Variants in BICC1 observed in about 807,000 individuals in gnomAD.
The protein encoded by BICC1 is protein bicaudal C homolog 1.
Under a neutral mutation model 111.0 loss-of-function variants are expected in BICC1, and 43 were observed. The observed-to-expected ratio is 0.39, with a 90% CI of 0.30 to 0.50. The LOEUF (loss-of-function observed/expected upper bound fraction) is 0.50, where lower values mean the gene tolerates loss of function less well. BICC1 is among the 20% of genes least tolerant of loss of function. The pLI is 0.88. For missense variants in BICC1, 1,091 were observed against 1,203.2 expected, an observed-to-expected ratio of 0.91 and a Z score of 1.38; for synonymous variants, 467 against 434.4, an observed-to-expected ratio of 1.07 and a Z score of -0.93.
chr10:58,790,784 C>T (rs1843152899), intron 8 of BICC1, among the ~76,000 whole-genome samples: 1 of 152,144 alleles, frequency 6.6e-6, no homozygotes, highest in Non-Finnish European at 1.5e-5. Flanking sequence ...CAGATGGCAC[C>T]ACTGCACTGC....
intron 1 of BICC1, among the ~76,000 whole-genome samples, chr10:58,525,504 T>C (rs541338716): frequency 1.1e-3 from 145 of 129,154 alleles, no homozygotes; most frequent in African/African-American, 4.0e-3. Flanking sequence ...TAGGTGGGAA[T>C]TGAACAATGA....
At position 58,796,330 on chromosome 10, in the gene BICC1, GT is replaced by G. The variant is rs775146236; in HGVS notation, c.1180-6del. Reference sequence around the variant, plus strand: ...TGTCACCTTTTTTCCCCCATTATGTGTTTTCATAGTCTGTGATTGTGAAAAG... The same window carrying G: ...TGTCACCTTTTTTCCCCCATTATGTGTTTCATAGTCTGTGATTGTGAAAAG... On this transcript the variant is annotated splice_polypyrimidine_tract_variant and intron_variant, in intron 9 of 20. Transcript: ENST00000373886. The G allele has an allele frequency of 6.2e-7, 1 of 1,611,226 alleles. No individual in the cohort carries two copies. The highest frequency in any genetic ancestry group is 8.5e-7 in the Non-Finnish European group (1 of 1,178,356).
intron 1 of BICC1, among the ~76,000 whole-genome samples, chr10:58,607,114 T>A (rs11817332): frequency 0.26 from 39,856 of 151,818 alleles, 5,520 homozygotes; most frequent in East Asian, 0.45. Context: ...GTTGGGAGTT[T>A]GCGACCAGCC....
At chr10:58,736,925 T>C (rs1174896911) in intron 3 of BICC1, among the ~76,000 whole-genome samples, 2 of 152,014 alleles carry the variant, frequency 1.3e-5, no homozygotes, top group East Asian at 3.9e-4. Flanking sequence ...ATAGAACTAA[T>C]TTTATTTTAT....
chr10:58,564,794 T>C (rs960579208), intron 1 of BICC1, among the ~76,000 whole-genome samples: 3 of 152,328 alleles, frequency 2.0e-5, no homozygotes, highest in Middle Eastern at 3.4e-3. Flanking sequence ...GAGAAAAATC[T>C]ACAAAATGGG....
chr10:58,549,722 G>T (rs1481277840), intron 1 of BICC1, among the ~76,000 whole-genome samples: 4 of 145,630 alleles, frequency 2.7e-5, no homozygotes, highest in Non-Finnish European at 6.0e-5. Context: ...GTCTCACTCT[G>T]TTGTCCAGGC....
At chr10:58,650,545 T>C (rs530391372) in intron 2 of BICC1, 1 of 152,332 alleles carries the variant, frequency 6.6e-6, no homozygotes, top group South Asian at 2.1e-4. Context: ...CCAGTCAGGA[T>C]GACCCTGTCT....
intron 2 of BICC1, among the ~76,000 whole-genome samples, chr10:58,632,429 T>C (rs1053671924): frequency 2.6e-5 from 4 of 151,522 alleles, no homozygotes; most frequent in Non-Finnish European, 5.9e-5. Flanking sequence ...AAGAGGGGCA[T>C]ACTCCAGAGG....
chr10:58,575,330 C>T (rs6481407), intron 1 of BICC1, among the ~76,000 whole-genome samples: 88,415 of 151,776 alleles, frequency 0.58, 26,143 homozygotes, highest in South Asian at 0.67. Context: ...CTGGATGACA[C>T]TCCGCACACT....
At chr10:58,648,194 G>A (rs1255240107) in intron 2 of BICC1, among the ~76,000 whole-genome samples, 2 of 152,168 alleles carry the variant, frequency 1.3e-5, no homozygotes, top group Admixed American at 6.5e-5. Flanking sequence ...TGTCTCCTCC[G>A]GTAGAGCATG....
intron 20 of BICC1, among the ~76,000 whole-genome samples, chr10:58,824,937 C>G (rs1455318982): frequency 6.6e-6 from 1 of 152,130 alleles, no homozygotes; most frequent in Non-Finnish European, 1.5e-5. Flanking sequence ...ACTCATAAAA[C>G]AACGTAATCT....
intron 20 of BICC1, chr10:58,824,084 C>G: frequency 1.0e-6 from 1 of 984,198 alleles, no homozygotes; most frequent in Non-Finnish European, 1.2e-6. Context: ...AAATAAAGCT[C>G]TGTTATCTGG....
chr10:58,512,894 G>C lies in BICC1; in HGVS notation c.-250G>C, dbSNP rs543341237. On this transcript the variant is annotated 5_prime_UTR_variant, in exon 1 of 21. Coordinates refer to ENST00000373886, the MANE Select transcript of BICC1 (RefSeq NM_001080512.3). The stretch of plus-strand genomic sequence containing the variant: ...CTCATTCCGCGCGGGCGTTGCTGGC[G>C]GGGGGCGGCGCAGCCACTGGACCCG... 6.1e-5 allele frequency among the ~76,000 whole-genome samples: 9 copies of C among 147,422 alleles called. No homozygotes were observed. Among genetic ancestry groups the C allele is most frequent in the Non-Finnish European group, 1.1e-4 (7 of 66,202 alleles).
At chr10:58,677,267 C>A (rs1033139759) in intron 2 of BICC1, among the ~76,000 whole-genome samples, 2 of 152,200 alleles carry the variant, frequency 1.3e-5, no homozygotes, top group African/African-American at 4.8e-5. Flanking sequence ...GCTAAAGGAG[C>A]ATGTTCTAAC....
intron 2 of BICC1, among the ~76,000 whole-genome samples, chr10:58,666,970 A>G (rs1439689000): frequency 6.6e-6 from 1 of 152,118 alleles, no homozygotes; most frequent in East Asian, 1.9e-4. Flanking sequence ...AATTCCTTTG[A>G]TAAATATATT....
Position 58,766,210 on chromosome 10 carries a change from C to CA in BICC1, c.308-18782dup, listed in dbSNP as rs541037880. Among the ~76,000 whole-genome samples the CA allele has an allele frequency of 4.7e-4, 71 of 150,028 alleles. 2 individuals carry two copies. The highest frequency in any genetic ancestry group is 1.4e-3 in the African/African-American group (57 of 40,846). On this transcript the variant is annotated intron_variant, in intron 3 of 20. Transcript: ENST00000373886. ...AGGAGGTTTATACTGCATTATGTTC[C>CA]AAAAAAAAACCCAATCTGTGAACCA... is the stretch of plus-strand genomic sequence containing the variant.
intron 1 of BICC1, among the ~76,000 whole-genome samples, chr10:58,611,293 TCTA>T: frequency 6.6e-6 from 1 of 152,308 alleles, no homozygotes; most frequent in South Asian, 2.1e-4. Flanking sequence ...ACCCAAGAAT[TCTA>T]CCACTCAAAT....
intron 3 of BICC1, among the ~76,000 whole-genome samples, chr10:58,770,587 T>TAA (rs889175452): frequency 6.0e-5 from 9 of 150,736 alleles, no homozygotes; most frequent in African/African-American, 1.9e-4. Flanking sequence ...GAATTTACCA[T>TAA]AAAAAAAAAC....
chr10:58,817,445 A>T, intron 18 of BICC1, 117 bp from the exon 19 acceptor site: 1 of 1,087,548 alleles, frequency 9.2e-7, no homozygotes, highest in Non-Finnish European at 1.4e-6. Context: ...TTCTACAGCT[A>T]CTGCCCTATT....
Sources: allele counts gnomAD v4.1 joint callset (sites outside exome capture counted in the v4.1 genomes callset), GRCh38; gene constraint gnomAD v4.1.1; transcripts MANE v1.5; gene names NCBI Gene and HGNC (gene_info 2026-07-23, HGNC 2026-07-21).